Variants in IQGAP1 observed in about 807,000 individuals in gnomAD.
IQGAP1 encodes the protein ras GTPase-activating-like protein IQGAP1.
In IQGAP1, 66 loss-of-function variants were observed where a neutral mutation model predicts 215.6. The ratio of observed to expected loss-of-function variants is 0.31; its 90% CI spans 0.25 to 0.38. The LOEUF (loss-of-function observed/expected upper bound fraction) is 0.38, where lower values mean the gene tolerates loss of function less well. IQGAP1 is among the 10% of genes least tolerant of loss of function. The pLI is 1.00. For synonymous variants in IQGAP1, 772 were observed against 728.7 expected (o/e 1.06, Z -0.96); for missense variants, 1,712 against 1,997.1 (o/e 0.86, Z 2.72).
At chr15:90,492,478 T>G in intron 34 of IQGAP1, 67 bp from the exon 35 acceptor site, 1 of 1,104,822 alleles carries the variant, frequency 9.1e-7, no homozygotes, top group Non-Finnish European at 1.3e-6. Flanking sequence ...TAAGCATTGC[T>G]GGGTTGTAGT....
intron 6 of IQGAP1, 108 bp downstream of exon 6, chr15:90,439,507 T>C: frequency 1.4e-6 from 1 of 726,774 alleles, no homozygotes; most frequent in Non-Finnish European, 2.3e-6. Flanking sequence ...ACACTGGCAG[T>C]GGAGGTGAAA....
rs899733747 is a variant in IQGAP1, at chr15:90,491,534, G to A, written c.4450G>A (p.Asp1484Asn). Residue 1484 changes from aspartate to asparagine, a missense_variant, in exon 34 of 38, where the codon GAC (aspartate) becomes AAC (asparagine). Physicochemically the swap from Asp to Asn is conservative, Grantham distance 23. This residue lies in a region of IQGAP1 where 691 missense variants were observed against 923.0 expected (regional missense o/e 0.75). Coordinates refer to ENST00000268182, the MANE Select transcript of IQGAP1 (RefSeq NM_003870.4). ...PKNKYQELIN[D>N]IARDIRNQRR... ...GAACAAATACCAGGAACTGATCAAC[G>A]ACATTGCCAGGGTACTGCATTCGGG... 6.8e-6 allele frequency: 11 copies of A among 1,613,768 alleles called. No homozygotes were observed. The highest frequency in any genetic ancestry group is 1.6e-4 in the Middle Eastern group (1 of 6,084).
intron 2 of IQGAP1, among the ~76,000 whole-genome samples, chr15:90,401,065 C>T (rs576577889): frequency 6.6e-6 from 1 of 152,288 alleles, no homozygotes; most frequent in Admixed American, 6.5e-5. Flanking sequence ...TTGCTTAACT[C>T]AGGACTTGGT....
chr15:90,487,376 C>G (rs920091770), intron 32 of IQGAP1, 119 bp from the exon 33 acceptor site: 23 of 747,750 alleles, frequency 3.1e-5, no homozygotes, highest in African/African-American at 2.3e-4. Context: ...GTACTGGCAG[C>G]TGCCGCTTGG....
At chr15:90,472,181 G>A (rs993920755) in intron 18 of IQGAP1, among the ~76,000 whole-genome samples, 1 of 152,196 alleles carries the variant, frequency 6.6e-6, no homozygotes, top group African/African-American at 2.4e-5. Flanking sequence ...GAGGTGAGGT[G>A]GGAGGATTGC....
At chr15:90,461,139 T>A (rs1308229541) in intron 15 of IQGAP1, among the ~76,000 whole-genome samples, 1 of 151,792 alleles carries the variant, frequency 6.6e-6, no homozygotes, top group Non-Finnish European at 1.5e-5. Context: ...AAACTCCATC[T>A]CTACTAAAAA....
At chr15:90,445,991 C>T (rs1316456148) in intron 9 of IQGAP1, among the ~76,000 whole-genome samples, 4 of 152,074 alleles carry the variant, frequency 2.6e-5, no homozygotes, top group African/African-American at 9.7e-5. Context: ...TATTCTGCTA[C>T]CTTCTGGTTC....
chr15:90,496,661 C>T (rs1966278848), intron 36 of IQGAP1: 1 of 152,092 alleles, frequency 6.6e-6, no homozygotes, highest in Non-Finnish European at 1.5e-5. Context: ...AATTTCCTGG[C>T]ACGTAACATA....
rs769624094 is a variant in IQGAP1 at position 90,497,300 on chromosome 15, T to A, written c.4820T>A (p.Phe1607Tyr). ...EVGDFEVKAK[F>Y]MGVQMETFML... ...GGAGACTTCGAAGTGAAAGCCAAAT[T>A]CATGGGAGTTCAAATGGAGACTTTT... The change falls in exon 37 of 38, where the codon TTC becomes TAC. Residue 1607 changes from phenylalanine (F) to tyrosine (Y), a missense_variant. By Grantham distance (22) the Phe-to-Tyr change is conservative (BLOSUM62 3). Around this residue, in one of 2 missense-constraint regions of IQGAP1, gnomAD observed 691 missense variants for 923.0 expected, o/e 0.75. Coordinates refer to ENST00000268182, the MANE Select transcript of IQGAP1 (RefSeq NM_003870.4). 1.9e-6 allele frequency: 3 copies of A among 1,610,096 alleles called. No homozygotes were observed. The highest frequency in any genetic ancestry group is 2.6e-6 in the Non-Finnish European group (3 of 1,176,426).
intron 15 of IQGAP1, among the ~76,000 whole-genome samples, chr15:90,463,291 A>G (rs754297487): frequency 5.3e-5 from 8 of 152,230 alleles, no homozygotes; most frequent in Non-Finnish European, 7.3e-5. Context: ...ACCTTTCTCA[A>G]TGCAAGGGAG....
At chr15:90,481,918 C>T in intron 26 of IQGAP1, 42 bp from the exon 27 acceptor site, 1 of 1,607,398 alleles carries the variant, frequency 6.2e-7, no homozygotes, top group Non-Finnish European at 8.5e-7. Context: ...CTGTTCCTGG[C>T]TGTTAGTCTA....
chr15:90,395,440 C>G (rs1255910180), intron 2 of IQGAP1, among the ~76,000 whole-genome samples: 1 of 152,084 alleles, frequency 6.6e-6, no homozygotes, highest in African/African-American at 2.4e-5. Context: ...CCTGGCTCAG[C>G]CTCCCGAGTA....
chr15:90,473,764 C>G lies in IQGAP1; in HGVS notation c.2399C>G (p.Ala800Gly). The G allele has an allele frequency of 6.2e-7, 1 of 1,612,322 alleles. No homozygotes were observed. Among genetic ancestry groups the G allele is most frequent in the Non-Finnish European group, 8.5e-7 (1 of 1,179,586 alleles). Residue 800 changes from alanine (A) to glycine (G), a missense_variant, in exon 20 of 38, where the codon GCT (alanine) becomes GGT (glycine). Physicochemically the swap from Ala to Gly is moderately conservative, Grantham distance 60. Coordinates refer to ENST00000268182, the MANE Select transcript of IQGAP1 (RefSeq NM_003870.4). Reference sequence around the variant, plus strand: ...AAGAAGGCATATCAAGATCGGTTAGCTTACCTGCGCTCCCACAAAGATGAA... The same window carrying G: ...AAGAAGGCATATCAAGATCGGTTAGGTTACCTGCGCTCCCACAAAGATGAA... ...KQKKAYQDRL[A>G]YLRSHKDEVV... is the part of the protein sequence containing the mutation.
rs371210081 is a variant in IQGAP1 at position 90,441,492 on chromosome 15, GTTTT to G, written c.650-6_650-3del. 3 of 1,193,060 alleles carry G rather than the reference GTTTT, an allele frequency of 2.5e-6. No homozygotes were observed. The Middle Eastern group carries it at 6.2e-4, about 248-fold the overall frequency. 73.9% of individuals were successfully genotyped at this position (1,193,060 alleles called of 1,614,324 possible). ...AGTGTTTTTGTTGGTTTGTTTTTTT[GTTTT>G]TTTTTTTAGTACATGCTGCTGTTAT... On this transcript the variant is annotated splice_polypyrimidine_tract_variant and intron_variant, in intron 7 of 37. Coordinates refer to ENST00000268182, the MANE Select transcript of IQGAP1 (RefSeq NM_003870.4).
chr15:90,427,511 G>A (rs1235065723), intron 3 of IQGAP1, among the ~76,000 whole-genome samples: 5 of 152,074 alleles, frequency 3.3e-5, no homozygotes, highest in African/African-American at 4.8e-5. Context: ...AGGTTGAGGC[G>A]GGCGGATCAC....
intron 3 of IQGAP1, 134 bp from the exon 4 acceptor site, chr15:90,429,455 G>GT (rs1965272151): frequency 1.7e-6 from 1 of 597,506 alleles, no homozygotes; most frequent in South Asian, 2.4e-5. Context: ...TTTTGGTATT[G>GT]GAATGTGAGC....
intron 24 of IQGAP1, 22 bp from the exon 25 acceptor site, chr15:90,477,045 T>A: frequency 6.2e-7 from 1 of 1,611,382 alleles, no homozygotes. Context: ...TACAAATGAC[T>A]TATCCCTTGG....
intron 14 of IQGAP1, 75 bp downstream of exon 14, chr15:90,454,627 A>G (rs1756997195): frequency 7.0e-7 from 1 of 1,430,144 alleles, no homozygotes. Context: ...GGTTCAAAAT[A>G]CTACTCCTAG....
At chr15:90,422,064 G>A (rs879717714) in intron 2 of IQGAP1, among the ~76,000 whole-genome samples, 9 of 152,224 alleles carry the variant, frequency 5.9e-5, no homozygotes, top group Non-Finnish European at 1.0e-4. Flanking sequence ...TAGGCAGAAT[G>A]TGGAGAGATA....
Sources: gnomAD v4.1 joint callset for allele counts (sites outside exome capture counted in the v4.1 genomes callset) on GRCh38, gnomAD v4.1.1 for gene constraint, gnomAD v4.1.1 regional missense constraint, MANE v1.5 for transcripts, NCBI Gene and HGNC (gene_info 2026-07-23, HGNC 2026-07-21) for gene names.